The following CATSPERB variants were observed in gnomAD, a reference collection of about 807,000 sequenced individuals.
The protein encoded by CATSPERB is cation channel sperm-associated auxiliary subunit beta.
A neutral mutation model predicts 128.3 loss-of-function variants in CATSPERB; 93 were observed. That is an observed-to-expected ratio of 0.72 (90% CI 0.61 to 0.86). CATSPERB has a LOEUF of 0.86. Ranked by LOEUF, CATSPERB falls within the 40% of genes least tolerant of loss-of-function variation. The pLI is 0.00. For synonymous variants in CATSPERB, 381 were observed against 448.8 expected, an observed-to-expected ratio of 0.85 and a Z score of 1.91; for missense variants, 1,153 against 1,329.5, an observed-to-expected ratio of 0.87 and a Z score of 2.06.
intron 14 of CATSPERB, among the ~76,000 whole-genome samples, chr14:91,664,518 G>A (rs1403677942): frequency 2.6e-5 from 4 of 151,852 alleles, no homozygotes; most frequent in Admixed American, 2.6e-4. Context: ...CACCCGCCTC[G>A]GCCTCCCAAA....
chr14:91,594,825 G>A (rs1429223483), intron 22 of CATSPERB, among the ~76,000 whole-genome samples: 1 of 152,178 alleles, frequency 6.6e-6, no homozygotes, highest in African/African-American at 2.4e-5. Context: ...TTAGTAGGCA[G>A]GTATGAAAGT....
chr14:91,716,712 T>TACACACAC lies in CATSPERB; in HGVS notation c.370+2698_370+2705dup, dbSNP rs34934524. Among the ~76,000 whole-genome samples, 239 of 137,622 alleles carry TACACACAC rather than the reference T, an allele frequency of 1.7e-3. 1 individual carries two copies. The highest frequency in any genetic ancestry group is 0.013 in the East Asian group (62 of 4,820). 90.3% of individuals were successfully genotyped at this position (137,622 alleles called of 152,430 possible). A position where few individuals can be genotyped will look rare whatever the true frequency, so the allele number is the denominator to read the frequency against. ...TTATATGCATACATATTTACAAGCA[T>TACACACAC]ACACACACACACACACACACACACA... On this transcript the variant is annotated intron_variant, in intron 5 of 26. Transcript: ENST00000256343.
chr14:91,615,651 T>C (rs916217116), intron 20 of CATSPERB, among the ~76,000 whole-genome samples: 1 of 152,204 alleles, frequency 6.6e-6, no homozygotes, highest in African/African-American at 2.4e-5. Context: ...CTGAGTAGTA[T>C]TACATTGTGT....
In CATSPERB at chr14:91,676,376, C is replaced by T. The variant is rs563697314; in HGVS notation, c.932-2154G>A. 5.3e-5 allele frequency among the ~76,000 whole-genome samples: 8 copies of T among 152,290 alleles called. No homozygotes were observed. The South Asian group carries it at 1.7e-3, about 32-fold the overall frequency. ...ACTAAAGGCCCCTGATTTTGTCATCCTCTTTGGGACTCCAGCTGGTCACAT... is the reference window on the plus strand; with the variant it reads ...ACTAAAGGCCCCTGATTTTGTCATCTTCTTTGGGACTCCAGCTGGTCACAT... On this transcript the variant is annotated intron_variant, in intron 11 of 26. Transcript: ENST00000256343.
chr14:91,622,703 CA>C (rs1182726984), intron 18 of CATSPERB, among the ~76,000 whole-genome samples: 1 of 152,146 alleles, frequency 6.6e-6, no homozygotes, highest in Admixed American at 6.5e-5. Flanking sequence ...TCAAACCGAC[CA>C]ACGAAAATCC....
intron 23 of CATSPERB, 84 bp downstream of exon 23, chr14:91,591,808 T>A: frequency 1.1e-6 from 1 of 893,978 alleles, no homozygotes; most frequent in Non-Finnish European, 1.9e-6. Context: ...TATGTCTTAG[T>A]TTTCATGTTT....
chr14:91,707,449 AT>A (rs5810550), intron 6 of CATSPERB, among the ~76,000 whole-genome samples: 9,104 of 149,904 alleles, frequency 0.061, 418 homozygotes, highest in East Asian at 0.17. Context: ...AATTAGTAAC[AT>A]TTTTTTTTTA....
rs771731437 is a variant in CATSPERB, at chr14:91,693,215, C to A, written c.742G>T (p.Val248Phe). The change falls in exon 9 of 27, where the codon GTT (valine) becomes TTT (phenylalanine). Residue 248 changes from valine to phenylalanine, a missense_variant. Coordinates refer to ENST00000256343, the MANE Select transcript of CATSPERB (RefSeq NM_024764.4). Reference sequence around the variant, plus strand: ...ATAACTAAAAAATGATTCGTTAAAACCATATCCACCAATGAAAGGTCTTCA... The same window carrying A: ...ATAACTAAAAAATGATTCGTTAAAAACATATCCACCAATGAAAGGTCTTCA... ...EYEDLSLVDM[V>F]LTNHFLVILT... The A allele has an allele frequency of 6.2e-7, 1 of 1,613,444 alleles. No homozygotes were observed. Among genetic ancestry groups the A allele is most frequent in the Non-Finnish European group, 8.5e-7 (1 of 1,179,530 alleles).
chr14:91,729,362 C>T, intron 2 of CATSPERB, 39 bp downstream of exon 2: 1 of 936,926 alleles, frequency 1.1e-6, no homozygotes, highest in Non-Finnish European at 1.6e-6. Context: ...ATAAGAACTC[C>T]TGAGAAGGAA....
intron 18 of CATSPERB, among the ~76,000 whole-genome samples, chr14:91,623,061 A>ATT (rs1178295811): frequency 6.6e-6 from 1 of 151,830 alleles, no homozygotes; most frequent in East Asian, 1.9e-4. Context: ...GGCCCAGCTA[A>ATT]TTTTTGTATT....
intron 24 of CATSPERB, among the ~76,000 whole-genome samples, chr14:91,588,514 C>T (rs1893343395): frequency 6.6e-6 from 1 of 152,084 alleles, no homozygotes; most frequent in Admixed American, 6.5e-5. Context: ...AATAAGGTGG[C>T]AGTAAAGTTT....
intron 11 of CATSPERB, among the ~76,000 whole-genome samples, chr14:91,674,486 A>G (rs1895155582): frequency 6.6e-6 from 1 of 152,222 alleles, no homozygotes; most frequent in Non-Finnish European, 1.5e-5. Context: ...ATTAACTTAT[A>G]TAAAGCAAAC....
chr14:91,672,316 T>C (rs1895111567), intron 13 of CATSPERB, among the ~76,000 whole-genome samples: 1 of 152,226 alleles, frequency 6.6e-6, no homozygotes, highest in African/African-American at 2.4e-5. Flanking sequence ...GACTGGATTT[T>C]GCTCTGTCAC....
intron 10 of CATSPERB, among the ~76,000 whole-genome samples, chr14:91,689,237 G>C (rs529941148): frequency 6.6e-6 from 1 of 152,300 alleles, no homozygotes; most frequent in East Asian, 1.9e-4. Context: ...ATTTCGCGGA[G>C]CTCTGCCAGC....
chr14:91,660,070 G>T, intron 14 of CATSPERB, 89 bp from the exon 15 acceptor site: 1 of 1,139,746 alleles, frequency 8.8e-7, no homozygotes. Context: ...ATAGCCATGT[G>T]GCATGATCTT....
intron 18 of CATSPERB, among the ~76,000 whole-genome samples, chr14:91,622,211 T>TA (rs973125210): frequency 9.3e-5 from 1 of 10,756 alleles, no homozygotes; most frequent in Non-Finnish European, 2.5e-4. Context: ...AGAAAGCTGA[T>TA]TTTTTTTTTT....
intron 17 of CATSPERB, 81 bp downstream of exon 17, chr14:91,636,344 C>T: frequency 7.6e-7 from 1 of 1,319,454 alleles, no homozygotes; most frequent in South Asian, 1.3e-5. Context: ...GCCTGGATGA[C>T]AGAGCAAGAC....
chr14:91,640,933 T>G (rs1894485394), intron 15 of CATSPERB, among the ~76,000 whole-genome samples: 1 of 151,914 alleles, frequency 6.6e-6, no homozygotes, highest in Admixed American at 6.6e-5. Context: ...CCATTCTAAC[T>G]GGTGTGAGAT....
rs150187898 is a variant in CATSPERB at position 91,597,399 on chromosome 14, G to A, written c.2710-5397C>T. ...CAAGAAACCCTAAGAAAAACAGCCC[G>A]AAGCCAATTACATTTGTTTTTCAAA... is the stretch of plus-strand genomic sequence containing the variant. On this transcript the variant is annotated intron_variant, in intron 22 of 26. Transcript: ENST00000256343. Among the ~76,000 whole-genome samples the A allele has an allele frequency of 1.8e-3, 281 of 152,126 alleles. 3 individuals carry two copies. The highest frequency in any genetic ancestry group is 6.2e-3 in the African/African-American group (256 of 41,518).
Sources: gnomAD v4.1 joint callset for allele counts (sites outside exome capture counted in the v4.1 genomes callset) on GRCh38, gnomAD v4.1.1 for gene constraint, MANE v1.5 for transcripts, NCBI Gene and HGNC (gene_info 2026-07-23, HGNC 2026-07-21) for gene names.